RGS7: variants seen among roughly 807,000 people sequenced by gnomAD.
RGS7 encodes regulator of G-protein signaling 7.
A neutral mutation model predicts 81.1 loss-of-function variants in RGS7; 27 were observed. That is an observed-to-expected ratio of 0.33 (90% CI 0.25 to 0.46). The LOEUF (loss-of-function observed/expected upper bound fraction) is 0.46. Ranked by LOEUF, RGS7 falls within the 20% of genes least tolerant of loss-of-function variation. The pLI is 1.00. For missense variants in RGS7, 396 were observed against 607.4 expected (o/e 0.65, Z 3.66); for synonymous variants, 208 against 207.7 (o/e 1.00, Z -0.01).
chr1:241,225,825 G>C (rs1241238356), intron 2 of RGS7, among the ~76,000 whole-genome samples: 2 of 152,184 alleles, frequency 1.3e-5, no homozygotes, highest in African/African-American at 4.8e-5. Flanking sequence ...AACAAGAACT[G>C]TATGCCAGCT....
intron 4 of RGS7, among the ~76,000 whole-genome samples, chr1:240,957,809 T>C (rs575985382): frequency 1.3e-5 from 2 of 152,342 alleles, no homozygotes; most frequent in African/African-American, 4.8e-5. Context: ...GTGATTTTTC[T>C]GTAAATCTAA....
chr1:240,930,305 C>G (rs1675207703), intron 6 of RGS7, among the ~76,000 whole-genome samples: 1 of 146,000 alleles, frequency 6.8e-6, no homozygotes, highest in Non-Finnish European at 1.5e-5. Flanking sequence ...GGATACTTCA[C>G]AGAACAGTGA....
chr1:240,833,487 A>T (rs1459484357), intron 9 of RGS7, among the ~76,000 whole-genome samples: 2 of 152,186 alleles, frequency 1.3e-5, no homozygotes, highest in Non-Finnish European at 2.9e-5. Context: ...GCTCAACTTA[A>T]AATTTTTCAC....
At chr1:241,337,040 T>C (rs2082281414) in intron 2 of RGS7, among the ~76,000 whole-genome samples, 1 of 152,278 alleles carries the variant, frequency 6.6e-6, no homozygotes, top group African/African-American at 2.4e-5. Flanking sequence ...AGATTTCAAA[T>C]CTTGACACCA....
intron 9 of RGS7, among the ~76,000 whole-genome samples, chr1:240,852,626 T>A (rs1412652684): frequency 1.3e-5 from 2 of 152,178 alleles, no homozygotes; most frequent in Non-Finnish European, 2.9e-5. Flanking sequence ...CTACTGCCCA[T>A]CTTTTTCCCC....
intron 2 of RGS7, among the ~76,000 whole-genome samples, chr1:241,201,672 G>A (rs1245184830): frequency 6.6e-6 from 1 of 151,858 alleles, no homozygotes; most frequent in Non-Finnish European, 1.5e-5. Flanking sequence ...TGTCTACTTT[G>A]TGTCAAGCAT....
intron 2 of RGS7, among the ~76,000 whole-genome samples, chr1:241,215,681 G>A (rs2341647): frequency 0.28 from 42,490 of 152,020 alleles, 6,376 homozygotes; most frequent in African/African-American, 0.4. Flanking sequence ...GATATTATTC[G>A]GGAAGTCCTC....
At chr1:241,111,389 C>T (rs2065499993) in intron 2 of RGS7, among the ~76,000 whole-genome samples, 1 of 152,166 alleles carries the variant, frequency 6.6e-6, no homozygotes, top group Non-Finnish European at 1.5e-5. Flanking sequence ...ACACTATCTC[C>T]TCCTCCTTTT....
intron 2 of RGS7, among the ~76,000 whole-genome samples, chr1:241,156,076 G>A (rs993497149): frequency 1.5e-4 from 20 of 137,762 alleles, no homozygotes; most frequent in African/African-American, 5.4e-4. Flanking sequence ...ATTTACACAC[G>A]CACGCACACA....
At chr1:240,922,549 G>A (rs140552362) in intron 6 of RGS7, among the ~76,000 whole-genome samples, 36 of 151,976 alleles carry the variant, frequency 2.4e-4, no homozygotes, top group Non-Finnish European at 3.5e-4. Flanking sequence ...TTAAAAAATC[G>A]GCAAAATATA....
intron 9 of RGS7, among the ~76,000 whole-genome samples, chr1:240,839,617 G>T (rs989777140): frequency 1.3e-5 from 2 of 152,096 alleles, no homozygotes; most frequent in African/African-American, 4.8e-5. Flanking sequence ...CTAGAAATTT[G>T]TTCTGTGCTC....
At chr1:241,161,719 CT>C (rs140807162) in intron 2 of RGS7, among the ~76,000 whole-genome samples, 41,622 of 129,444 alleles carry the variant, frequency 0.32, 5,419 homozygotes, top group East Asian at 0.41. Context: ...TGTTTTATTG[CT>C]TTTTTTTTTT....
At chr1:241,084,088 T>G (rs1392202604) in intron 3 of RGS7, among the ~76,000 whole-genome samples, 1 of 152,236 alleles carries the variant, frequency 6.6e-6, no homozygotes, top group Admixed American at 6.5e-5. Flanking sequence ...ATGCAGACTG[T>G]CCTCAGTAAA....
At chr1:241,076,571 G>A (rs547246545) in intron 3 of RGS7, among the ~76,000 whole-genome samples, 1 of 152,258 alleles carries the variant, frequency 6.6e-6, no homozygotes, top group East Asian at 1.9e-4. Flanking sequence ...TGAAAGAGGT[G>A]AGAATTTGTT....
At chr1:240,949,983 C>T (rs1005638918) in intron 4 of RGS7, among the ~76,000 whole-genome samples, 13 of 152,174 alleles carry the variant, frequency 8.5e-5, no homozygotes, top group African/African-American at 2.6e-4. Context: ...TTTCCTGGAC[C>T]ATTCAGAGAA....
At chr1:240,965,427 G>A (rs2148488724) in intron 4 of RGS7, among the ~76,000 whole-genome samples, 1 of 152,280 alleles carries the variant, frequency 6.6e-6, no homozygotes, top group Middle Eastern at 3.4e-3. Context: ...CACCTTCCAG[G>A]TACAGAAGTG....
intron 6 of RGS7, among the ~76,000 whole-genome samples, chr1:240,890,003 C>T (rs1668023738): frequency 6.6e-6 from 1 of 152,136 alleles, no homozygotes; most frequent in African/African-American, 2.4e-5. Context: ...TGTTTCTTCA[C>T]TCCTCCTATT....
intron 2 of RGS7, among the ~76,000 whole-genome samples, chr1:241,108,785 G>C (rs1214959078): frequency 6.6e-6 from 1 of 152,056 alleles, no homozygotes; most frequent in African/African-American, 2.4e-5. Context: ...CTTCATCTTC[G>C]GCGTCAAGAT....
Position 241,163,456 on chromosome 1 carries a change from A to G in RGS7, c.79-64694T>C, listed in dbSNP as rs1388760891. On this transcript the variant is annotated intron_variant, in intron 2 of 18. Coordinates refer to ENST00000440928, the MANE Select transcript of RGS7 (RefSeq NM_001364886.1). This position sits in a 1 kb window ranked among gnomAD's most constrained non-coding sequence, Gnocchi z 4.6. ...ATACACATCTGCAGAGAAAATCTGC[A>G]TTGATGTAGCCAGGCTTTCTCCAAG... 2.0e-5 allele frequency among the ~76,000 whole-genome samples: 3 copies of G among 152,194 alleles called. No individual in the cohort carries two copies. Among genetic ancestry groups the G allele is most frequent in the African/African-American group, 4.8e-5 (2 of 41,446 alleles).
Sources: allele counts gnomAD v4.1 joint callset (sites outside exome capture counted in the v4.1 genomes callset), GRCh38; gene constraint gnomAD v4.1.1; non-coding constraint Gnocchi (gnomAD v3.1); transcripts MANE v1.5; gene names NCBI Gene and HGNC (gene_info 2026-07-23, HGNC 2026-07-21).